PCDHA6: variants seen among roughly 807,000 people sequenced by gnomAD.
PCDHA6 encodes protocadherin alpha-6.
Under a neutral mutation model 60.3 loss-of-function variants are expected in PCDHA6, and 55 were observed. That is an observed-to-expected ratio of 0.91 (90% CI 0.73 to 1.14). The LOEUF (loss-of-function observed/expected upper bound fraction) is 1.14, where lower values mean the gene tolerates loss of function less well. Ranked by LOEUF, PCDHA6 falls within the 50% of genes most tolerant of loss-of-function variation. The pLI, the probability that PCDHA6 is intolerant of heterozygous loss-of-function variation, is 0.00. For missense variants in PCDHA6, 1,327 were observed against 1,256.5 expected (o/e 1.06, Z -0.85); for synonymous variants, 652 against 557.9 (o/e 1.17, Z -2.38).
chr5:140,875,422 AG>A (rs1554167622), intron 1 of PCDHA6: 1 of 1,524,010 alleles, frequency 6.6e-7, no homozygotes, highest in Non-Finnish European at 8.8e-7. Context: ...ACCTCAGGCA[AG>A]CGATCCCTTA....
intron 1 of PCDHA6, chr5:140,875,846 A>T: frequency 6.2e-7 from 1 of 1,614,176 alleles, no homozygotes. Context: ...GAGGTGAAGG[A>T]CATTAACGAC....
chr5:140,858,391 T>C lies in PCDHA6; in HGVS notation c.2394+27906T>C, dbSNP rs1214576702. On this transcript the variant is annotated intron_variant, in intron 1 of 3. Transcript: ENST00000529310. ...GCCTTCCACCATGCCCAATGGTAGA[T>C]GTGGACGGGGAAGATCAGTCTATTG... is the stretch of plus-strand genomic sequence containing the variant. 12 of 1,577,710 alleles carry C rather than the reference T, an allele frequency of 7.6e-6. 1 individual carries two copies. Among genetic ancestry groups the C allele is most frequent in the African/African-American group, 1.4e-5 (1 of 74,060 alleles).
At chr5:140,951,988 A>C (rs2094668820) in intron 1 of PCDHA6, among the ~76,000 whole-genome samples, 1 of 152,226 alleles carries the variant, frequency 6.6e-6, no homozygotes, top group African/African-American at 2.4e-5. Context: ...GGGAAAAACC[A>C]GCCAAAAGAA....
At chr5:140,978,422 T>C (rs1554239303) in intron 1 of PCDHA6, among the ~76,000 whole-genome samples, 2 of 152,218 alleles carry the variant, frequency 1.3e-5, no homozygotes, top group Non-Finnish European at 2.9e-5. Flanking sequence ...AAGAGACTGT[T>C]ATCAGTTGCT....
intron 1 of PCDHA6, chr5:140,857,094 T>G (rs781941290): frequency 4.4e-6 from 7 of 1,596,938 alleles, no homozygotes; most frequent in Non-Finnish European, 6.0e-6. Flanking sequence ...TCACCTGAGG[T>G]GATTGTCACT....
chr5:140,929,311 A>G lies in PCDHA6; in HGVS notation c.2395-49638A>G, dbSNP rs782099747. The stretch of plus-strand genomic sequence containing the variant: ...TCGGAATAGGAAAGGGGATCACGCT[A>G]ATGTCAATGCCATGGTAAGCAAATT... On this transcript the variant is annotated intron_variant, in intron 1 of 3. Coordinates refer to ENST00000529310, the MANE Select transcript of PCDHA6 (RefSeq NM_018909.4). The G allele has an allele frequency of 1.9e-6, 3 of 1,567,640 alleles. No individual in the cohort carries two copies. The South Asian group carries it at 3.5e-5, about 18-fold the overall frequency.
chr5:140,843,048 C>T (rs1554139673), intron 1 of PCDHA6: 2 of 1,595,084 alleles, frequency 1.3e-6, no homozygotes, highest in Non-Finnish European at 1.7e-6. Context: ...ACTGGTGGCG[C>T]AGCGAGCAAG....
In PCDHA6 at chr5:140,843,009, C is replaced by T. The variant is rs2150350021; in HGVS notation, c.2394+12524C>T. ...GTGCTGGACGAGAATGACAACGCGC[C>T]GGCACTGCTGGAGCCTCGGGTGGGT... On this transcript the variant is annotated intron_variant, in intron 1 of 3. Coordinates refer to ENST00000529310, the MANE Select transcript of PCDHA6 (RefSeq NM_018909.4). 32 of 1,595,058 alleles carry T rather than the reference C, an allele frequency of 2.0e-5. 4 individuals carry two copies. In the Middle Eastern group the frequency reaches 6.8e-4, roughly 34 times the overall value.
intron 1 of PCDHA6, chr5:140,968,207 A>C: frequency 6.2e-7 from 1 of 1,614,000 alleles, no homozygotes; most frequent in Non-Finnish European, 8.5e-7. Context: ...CATACAGGAG[A>C]ACAATTTGCC....
At chr5:140,852,024 C>A in intron 1 of PCDHA6, 1 of 949,532 alleles carries the variant, frequency 1.1e-6, no homozygotes, top group Non-Finnish European at 1.3e-6. Context: ...TTAAAAACTT[C>A]GCTTATTGAG....
rs116357285 is a variant in PCDHA6, at chr5:140,877,275, C to T, written c.2394+46790C>T. 2.8e-4 allele frequency: 456 copies of T among 1,613,776 alleles called. 1 individual carries two copies. In the African/African-American group the frequency reaches 4.6e-3, roughly 16 times the overall value. Reference sequence around the variant, plus strand: ...AAGTGCGCGCGGTGGACGCTGACTCCGGCTATAACGCTTGGCTGTCCTACG... The same window carrying T: ...AAGTGCGCGCGGTGGACGCTGACTCTGGCTATAACGCTTGGCTGTCCTACG... On this transcript the variant is annotated intron_variant, in intron 1 of 3. Transcript: ENST00000529310.
intron 1 of PCDHA6, chr5:140,869,457 T>C: frequency 6.2e-7 from 1 of 1,614,184 alleles, no homozygotes. Context: ...AGGTTTTCCA[T>C]GTGAACGTGG....
In PCDHA6 at chr5:140,829,192, T is replaced by G; in HGVS notation, c.1101T>G (p.Thr367=). The part of the protein sequence containing the change: ...LPVREDAQFG[T]VIALISVNDL... ...TACGTGAAGACGCTCAATTTGGTACTGTCATCGCCCTAATTAGCGTGAACG... is the reference window on the plus strand; with the variant it reads ...TACGTGAAGACGCTCAATTTGGTACGGTCATCGCCCTAATTAGCGTGAACG... The change falls in exon 1 of 4, where the codon ACT becomes ACG. Residue 367 remains threonine (T), a synonymous_variant. Coordinates refer to ENST00000529310, the MANE Select transcript of PCDHA6 (RefSeq NM_018909.4). 6.2e-7 allele frequency: 1 copy of G among 1,614,230 alleles called. No homozygotes were observed. Among genetic ancestry groups the G allele is most frequent in the Non-Finnish European group, 8.5e-7 (1 of 1,180,028 alleles).
chr5:140,930,257 A>C (rs1412873070), intron 1 of PCDHA6: 1 of 152,218 alleles, frequency 6.6e-6, no homozygotes, highest in Non-Finnish European at 1.5e-5. Flanking sequence ...ACTTGGATTT[A>C]ATTTCTTTTA....
At chr5:140,881,025 C>A (rs1554171683) in intron 1 of PCDHA6, among the ~76,000 whole-genome samples, 1 of 152,216 alleles carries the variant, frequency 6.6e-6, no homozygotes, top group Admixed American at 6.5e-5. Context: ...ATAAACCCAA[C>A]AGTCATTTCC....
At chr5:141,002,600 A>G (rs1269340072) in intron 3 of PCDHA6, among the ~76,000 whole-genome samples, 1 of 152,204 alleles carries the variant, frequency 6.6e-6, no homozygotes, top group Non-Finnish European at 1.5e-5. Flanking sequence ...CCCCTCATCT[A>G]TAAAACAGAC....
At chr5:140,911,151 G>A (rs2075350899) in intron 1 of PCDHA6, among the ~76,000 whole-genome samples, 1 of 152,174 alleles carries the variant, frequency 6.6e-6, no homozygotes, top group South Asian at 2.1e-4. Context: ...TTTCTCCTCA[G>A]ACAAATGTGG....
At chr5:140,835,431 T>C (rs2150235593) in intron 1 of PCDHA6, 1 of 1,613,912 alleles carries the variant, frequency 6.2e-7, no homozygotes, top group Non-Finnish European at 8.5e-7. Context: ...TGCTCCACAG[T>C]TGACTCTCAC....
At chr5:140,888,426 C>G (rs1315110358) in intron 1 of PCDHA6, among the ~76,000 whole-genome samples, 1 of 152,168 alleles carries the variant, frequency 6.6e-6, no homozygotes, top group Non-Finnish European at 1.5e-5. Flanking sequence ...CTACCGTGCA[C>G]AGGACAGCCG....
Sources: gnomAD v4.1 joint callset for allele counts (sites outside exome capture counted in the v4.1 genomes callset) on GRCh38, gnomAD v4.1.1 for gene constraint, MANE v1.5 for transcripts, NCBI Gene and HGNC (gene_info 2026-07-23, HGNC 2026-07-21) for gene names.